RPTOR: variants seen among roughly 807,000 people sequenced by gnomAD.
The protein encoded by RPTOR is regulatory-associated protein of mTOR.
In RPTOR, 21 loss-of-function variants were observed where a neutral mutation model predicts 169.9. That is an observed-to-expected ratio of 0.12 (90% CI 0.09 to 0.18). RPTOR has a LOEUF of 0.18. Among genes scored for constraint, RPTOR ranks in the 10% least tolerant of loss-of-function variants. The pLI, the probability that RPTOR is intolerant of heterozygous loss-of-function variation, is 1.00. For missense variants in RPTOR, 1,133 were observed against 1,855.9 expected (o/e 0.61, Z 7.16); for synonymous variants, 732 against 753.2 (o/e 0.97, Z 0.46).
chr17:80,715,128 A>G (rs2066228967), intron 4 of RPTOR, among the ~76,000 whole-genome samples: 1 of 152,278 alleles, frequency 6.6e-6, no homozygotes, highest in African/African-American at 2.4e-5. Context: ...AATAGAGTAC[A>G]GGCAACAGAG....
chr17:80,920,352 C>G (rs997780167), intron 21 of RPTOR, among the ~76,000 whole-genome samples: 1 of 152,174 alleles, frequency 6.6e-6, no homozygotes, highest in African/African-American at 2.4e-5. Flanking sequence ...GTGGTCACTA[C>G]ACTAATGGGG....
At chr17:80,684,221 G>A (rs2065918674) in intron 3 of RPTOR, among the ~76,000 whole-genome samples, 2 of 151,968 alleles carry the variant, frequency 1.3e-5, no homozygotes, top group South Asian at 2.1e-4. Flanking sequence ...CCGTTGCAGG[G>A]CTCTCTTATC....
rs2068151036 is a variant in RPTOR, at chr17:80,878,764, C to A, written c.1510-1651C>A. Reference sequence around the variant, plus strand: ...TTCCTCGGGTTTTGGGCAAATACTTCCCGAAGTATTATCGTTACCCCTGAA... The same window carrying A: ...TTCCTCGGGTTTTGGGCAAATACTTACCGAAGTATTATCGTTACCCCTGAA... On this transcript the variant is annotated intron_variant, in intron 13 of 33. Transcript: ENST00000306801. This position sits in a 1 kb window ranked among gnomAD's most constrained non-coding sequence, Gnocchi z 4.1. Among the ~76,000 whole-genome samples the A allele has an allele frequency of 6.6e-6, 1 of 152,182 alleles. No homozygotes were observed. The highest frequency in any genetic ancestry group is 6.5e-5 in the Admixed American group (1 of 15,284).
intron 4 of RPTOR, among the ~76,000 whole-genome samples, chr17:80,711,759 TTGA>T (rs1183470622): frequency 2.1e-4 from 31 of 147,532 alleles, no homozygotes; most frequent in Non-Finnish European, 2.4e-4. Context: ...TTTTTTTTTT[TTGA>T]GGTTAAGTCT....
chr17:80,545,936 G>A, intron 1 of RPTOR, 145 bp downstream of exon 1: 1 of 655,174 alleles, frequency 1.5e-6, no homozygotes, highest in Non-Finnish European at 2.4e-6. Flanking sequence ...AGCCATTTCA[G>A]ACTGCAGTTT....
intron 6 of RPTOR, among the ~76,000 whole-genome samples, chr17:80,783,987 T>C (rs1298166788): frequency 6.6e-6 from 1 of 151,852 alleles, no homozygotes; most frequent in African/African-American, 2.4e-5. Context: ...AAGGCATACT[T>C]TTTTTTTAAG....
chr17:80,953,615 G>GA (rs2069210936), intron 28 of RPTOR, among the ~76,000 whole-genome samples: 2 of 152,374 alleles, frequency 1.3e-5, no homozygotes, highest in African/African-American at 4.8e-5. Context: ...GATGCACCAG[G>GA]AACCCTGGGC....
chr17:80,579,549 A>G (rs1439914263), intron 1 of RPTOR, among the ~76,000 whole-genome samples: 22 of 152,220 alleles, frequency 1.4e-4, no homozygotes, highest in Admixed American at 1.4e-3. Context: ...ACCTGACTGA[A>G]GCCCAGAGAA....
At position 80,947,488 on chromosome 17, in the gene RPTOR, A is replaced by G; in HGVS notation, c.3265+137A>G. On this transcript the variant is annotated intron_variant, in intron 27 of 33. Coordinates refer to ENST00000306801, the MANE Select transcript of RPTOR (RefSeq NM_020761.3). The surrounding 1 kb of genome is among the most constrained non-coding windows in gnomAD (Gnocchi z 4.4). ...ACACGCGAGGGCCACTGTCATTCAG[A>G]AGTGGGGAGGTTTATGAGGGAAAGG... The G allele has an allele frequency of 8.3e-7, 1 of 1,200,140 alleles. No individual in the cohort carries two copies. Among genetic ancestry groups the G allele is most frequent in the Non-Finnish European group, 1.1e-6 (1 of 927,438 alleles). 74.3% of individuals were successfully genotyped at this position (1,200,140 alleles called of 1,614,324 possible). A position where few individuals can be genotyped will look rare whatever the true frequency, so the allele number is the denominator to read the frequency against.
intron 9 of RPTOR, among the ~76,000 whole-genome samples, chr17:80,829,949 G>A (rs184786262): frequency 1.5e-4 from 23 of 152,286 alleles, no homozygotes; most frequent in African/African-American, 5.5e-4. Flanking sequence ...GGATGCCAGC[G>A]TGAATCTAGA....
At chr17:80,907,046 G>A (rs1344996335) in intron 20 of RPTOR, among the ~76,000 whole-genome samples, 3 of 152,130 alleles carry the variant, frequency 2.0e-5, no homozygotes, top group South Asian at 2.1e-4. Flanking sequence ...CAGAACCCAC[G>A]CACACATTGA....
At chr17:80,557,782 C>T (rs1599546826) in intron 1 of RPTOR, among the ~76,000 whole-genome samples, 2 of 151,066 alleles carry the variant, frequency 1.3e-5, no homozygotes, top group South Asian at 2.1e-4. Flanking sequence ...AAAAATCAGC[C>T]GGGCATGGTG....
At chr17:80,553,638 A>C (rs2084371299) in intron 1 of RPTOR, among the ~76,000 whole-genome samples, 1 of 152,182 alleles carries the variant, frequency 6.6e-6, no homozygotes, top group Admixed American at 6.5e-5. Context: ...CAGATGACCA[A>C]TCCATGATAT....
chr17:80,914,798 T>G (rs573403067), intron 21 of RPTOR, among the ~76,000 whole-genome samples: 1 of 152,224 alleles, frequency 6.6e-6, no homozygotes, highest in South Asian at 2.1e-4. Flanking sequence ...TCAGCCTGGG[T>G]GTTATGGATG....
intron 2 of RPTOR, among the ~76,000 whole-genome samples, chr17:80,626,967 A>T (rs914820127): frequency 6.6e-6 from 1 of 152,066 alleles, no homozygotes; most frequent in African/African-American, 2.4e-5. Context: ...GCCTTCCCCT[A>T]GCCCCTAGTA....
At chr17:80,893,953 T>C (rs2068366501) in intron 20 of RPTOR, 88 bp downstream of exon 20, 1 of 1,288,064 alleles carries the variant, frequency 7.8e-7, no homozygotes, top group African/African-American at 1.5e-5. Flanking sequence ...CTGCATCAGG[T>C]CAGTGGGTGT....
intron 9 of RPTOR, among the ~76,000 whole-genome samples, chr17:80,832,877 T>A (rs1223517888): frequency 6.6e-6 from 1 of 152,220 alleles, no homozygotes; most frequent in Non-Finnish European, 1.5e-5. Flanking sequence ...GAGGTTGAAT[T>A]TTTAGCAAGA....
Position 80,730,758 on chromosome 17 carries a change from T to TTGG in RPTOR, c.654+52_654+53insTGG. On this transcript the variant is annotated intron_variant, in intron 5 of 33. Coordinates refer to ENST00000306801, the MANE Select transcript of RPTOR (RefSeq NM_020761.3). This position sits in a 1 kb window ranked among gnomAD's most constrained non-coding sequence, Gnocchi z 4.2. The stretch of plus-strand genomic sequence containing the variant: ...GTGCTGGGTTTGGTTTTGTTTTCCC[T>TTGG]GGGGGTGGGGTTTGGGTGGGGAGGT... 1 of 467,258 alleles carries TTGG rather than the reference T, an allele frequency of 2.1e-6. No individual in the cohort carries two copies. The highest frequency in any genetic ancestry group is 3.9e-6 in the Non-Finnish European group (1 of 254,706). The allele number at this position is 467,258 out of a possible 1,614,324, so 28.9% of individuals were successfully genotyped here. A position where few individuals can be genotyped will look rare whatever the true frequency, so the allele number is the denominator to read the frequency against.
chr17:80,573,176 A>G (rs2064925545), intron 1 of RPTOR, among the ~76,000 whole-genome samples: 1 of 152,136 alleles, frequency 6.6e-6, no homozygotes, highest in Non-Finnish European at 1.5e-5. Flanking sequence ...TGCTTTAATT[A>G]CTAGGGCTTT....
Sources: allele counts gnomAD v4.1 joint callset (sites outside exome capture counted in the v4.1 genomes callset), GRCh38; gene constraint gnomAD v4.1.1; non-coding constraint Gnocchi (gnomAD v3.1); transcripts MANE v1.5; gene names NCBI Gene and HGNC (gene_info 2026-07-23, HGNC 2026-07-21).